STAU2: variants seen among roughly 807,000 people sequenced by gnomAD.
STAU2 encodes double-stranded RNA-binding protein Staufen homolog 2.
STAU2 carries 20 observed loss-of-function variants against 65.9 expected under a neutral mutation model. The ratio of observed to expected loss-of-function variants is 0.30; its 90% CI spans 0.21 to 0.44. The LOEUF is 0.44. Ranked by LOEUF, STAU2 falls within the 20% of genes least tolerant of loss-of-function variation. The pLI is 1.00. For missense variants in STAU2, 558 were observed against 683.9 expected (o/e 0.82, Z 2.05); for synonymous variants, 232 against 233.9 (o/e 0.99, Z 0.07).
chr8:73,597,723 A>G (rs1586088229), intron 10 of STAU2, among the ~76,000 whole-genome samples: 1 of 150,832 alleles, frequency 6.6e-6, no homozygotes, highest in East Asian at 1.9e-4. Flanking sequence ...TCATGCTAAA[A>G]TTTAAAAACA....
At chr8:73,587,170 G>A (rs1165659483) in intron 11 of STAU2, among the ~76,000 whole-genome samples, 1 of 152,076 alleles carries the variant, frequency 6.6e-6, no homozygotes, top group Non-Finnish European at 1.5e-5. Context: ...CAAGACAAGG[G>A]TGCGATGCCT....
chr8:73,712,950 AAAC>A (rs1821000093), intron 3 of STAU2, among the ~76,000 whole-genome samples: 1 of 152,138 alleles, frequency 6.6e-6, no homozygotes, highest in African/African-American at 2.4e-5. Context: ...ACAAAACAAA[AAAC>A]AAGTATATTT....
intron 13 of STAU2, among the ~76,000 whole-genome samples, chr8:73,436,196 G>A (rs773353328): frequency 4.6e-5 from 7 of 151,836 alleles, no homozygotes; most frequent in Non-Finnish European, 1.0e-4. Context: ...GGTCAAACAA[G>A]ATAAGCTTTG....
intron 13 of STAU2, among the ~76,000 whole-genome samples, chr8:73,471,683 T>A (rs139626584): frequency 0.025 from 3,856 of 151,998 alleles, 66 homozygotes; most frequent in Non-Finnish European, 0.038. Flanking sequence ...CCGGGCATGA[T>A]GGCAGGTGCC....
intron 13 of STAU2, among the ~76,000 whole-genome samples, chr8:73,540,753 A>G (rs1442209554): frequency 6.6e-6 from 1 of 152,228 alleles, no homozygotes; most frequent in Non-Finnish European, 1.5e-5. Flanking sequence ...ACCAAAATCA[A>G]GCAGATACCA....
chr8:73,496,200 G>A (rs1467339267), intron 13 of STAU2, among the ~76,000 whole-genome samples: 1 of 151,330 alleles, frequency 6.6e-6, no homozygotes, highest in Non-Finnish European at 1.5e-5. Flanking sequence ...CTCTCGGTGT[G>A]TGTGTGTGCA....
chr8:73,437,804 G>A (rs1359444389), intron 13 of STAU2, among the ~76,000 whole-genome samples: 3 of 152,044 alleles, frequency 2.0e-5, no homozygotes, highest in East Asian at 3.9e-4. Context: ...CACTCCTCAC[G>A]GGCCAGTCAG....
chr8:73,523,152 C>T (rs962795573), intron 13 of STAU2, among the ~76,000 whole-genome samples: 15 of 148,652 alleles, frequency 1.0e-4, no homozygotes, highest in East Asian at 4.0e-4. Flanking sequence ...GCCGAAATCA[C>T]GCCACTGCAC....
intron 1 of STAU2, 25 bp downstream of exon 1, chr8:73,746,758 G>A: frequency 2.5e-6 from 3 of 1,214,428 alleles, no homozygotes; most frequent in African/African-American, 1.6e-5. Context: ...GGGGTCTCCC[G>A]GACGCCCCCG....
At chr8:73,588,643 G>A (rs1810549382) in intron 11 of STAU2, among the ~76,000 whole-genome samples, 1 of 152,162 alleles carries the variant, frequency 6.6e-6, no homozygotes, top group Non-Finnish European at 1.5e-5. Flanking sequence ...AAATTCTCTG[G>A]TCCTAAGAGC....
intron 6 of STAU2, among the ~76,000 whole-genome samples, chr8:73,669,707 G>A (rs1362790592): frequency 6.7e-6 from 1 of 148,518 alleles, no homozygotes; most frequent in Non-Finnish European, 1.5e-5. Flanking sequence ...CTTCCTTTGA[G>A]GTCTTTATCA....
chr8:73,681,651 C>T (rs1818444045), intron 5 of STAU2, among the ~76,000 whole-genome samples: 1 of 152,006 alleles, frequency 6.6e-6, no homozygotes, highest in Non-Finnish European at 1.5e-5. Flanking sequence ...ATGTAAATGG[C>T]CTAAATGCTC....
chr8:73,491,588 C>T (rs1013071205), intron 13 of STAU2, among the ~76,000 whole-genome samples: 22 of 151,916 alleles, frequency 1.4e-4, no homozygotes, highest in Non-Finnish European at 8.8e-5. Flanking sequence ...TAAATGTGTA[C>T]TTTTGCTTTT....
At chr8:73,464,956 T>C (rs1213367112) in intron 13 of STAU2, among the ~76,000 whole-genome samples, 3 of 152,240 alleles carry the variant, frequency 2.0e-5, no homozygotes, top group African/African-American at 7.2e-5. Flanking sequence ...CATTGCCCAA[T>C]GGAGGATGCC....
At chr8:73,445,913 C>T (rs1818442653) in intron 13 of STAU2, among the ~76,000 whole-genome samples, 1 of 152,202 alleles carries the variant, frequency 6.6e-6, no homozygotes, top group African/African-American at 2.4e-5. Flanking sequence ...GGAAAAATAG[C>T]GTGGCAGTTT....
chr8:73,572,985 T>C (rs4394388), intron 12 of STAU2, among the ~76,000 whole-genome samples: 105,623 of 152,032 alleles, frequency 0.69, 37,581 homozygotes, highest in Non-Finnish European at 0.79. Flanking sequence ...GATGACATGA[T>C]TGTATATTTA....
intron 11 of STAU2, among the ~76,000 whole-genome samples, chr8:73,589,366 C>T (rs1810606492): frequency 6.6e-6 from 1 of 152,148 alleles, no homozygotes; most frequent in African/African-American, 2.4e-5. Flanking sequence ...AAACCACTGC[C>T]AAAACACAGG....
At chr8:73,508,368 T>C (rs528887489) in intron 13 of STAU2, among the ~76,000 whole-genome samples, 1 of 152,060 alleles carries the variant, frequency 6.6e-6, no homozygotes, top group African/African-American at 2.4e-5. Context: ...CCTGAGGAGA[T>C]GGAGAGAGAT....
chr8:73,542,790 G>A (rs1023886524), intron 13 of STAU2, among the ~76,000 whole-genome samples: 3 of 152,062 alleles, frequency 2.0e-5, no homozygotes, highest in Admixed American at 2.0e-4. Flanking sequence ...AATAAAATAA[G>A]ACTGACCATA....
Sources: gnomAD v4.1 joint callset for allele counts (sites outside exome capture counted in the v4.1 genomes callset) on GRCh38, gnomAD v4.1.1 for gene constraint, MANE v1.5 for transcripts, NCBI Gene and HGNC (gene_info 2026-07-23, HGNC 2026-07-21) for gene names.